Variants in C10orf90 observed in about 807,000 individuals in gnomAD.
C10orf90 encodes (E2-independent) E3 ubiquitin-conjugating enzyme FATS.
A neutral mutation model predicts 62.5 loss-of-function variants in C10orf90; 56 were observed. The ratio of observed to expected loss-of-function variants is 0.90; its 90% CI spans 0.72 to 1.12. The LOEUF (loss-of-function observed/expected upper bound fraction) is 1.12. Among genes scored for constraint, C10orf90 ranks in the 50% most tolerant of loss-of-function variants. The pLI is 0.00. For missense variants in C10orf90, 970 were observed against 880.4 expected, an observed-to-expected ratio of 1.10 and a Z score of -1.29; for synonymous variants, 386 against 340.4, an observed-to-expected ratio of 1.13 and a Z score of -1.47.
chr10:126,555,688 A>ATAAATAAATAAT (rs1864751405), intron 2 of C10orf90, among the ~76,000 whole-genome samples: 2 of 140,994 alleles, frequency 1.4e-5, no homozygotes, highest in South Asian at 4.2e-4. Context: ...CAGTAAATAA[A>ATAAATAAATAAT]TAAATAAATA....
At chr10:126,565,426 T>TATATTACATAATA in intron 2 of C10orf90, among the ~76,000 whole-genome samples, 1 of 57,210 alleles carries the variant, frequency 1.7e-5, no homozygotes, top group Non-Finnish European at 3.1e-5. Flanking sequence ...TTATATATAT[T>TATATTACATAATA]ATATATATTA....
At chr10:126,442,641 A>ATATATATATATG (rs1858461790) in intron 7 of C10orf90, among the ~76,000 whole-genome samples, 1 of 19,456 alleles carries the variant, frequency 5.1e-5, no homozygotes, top group East Asian at 1.9e-3. Context: ...GTGTATATAT[A>ATATATATATATG]TATATATATA....
rs187970125 is a variant in C10orf90, at chr10:126,545,190, T to C, written c.314-31251A>G. On this transcript the variant is annotated intron_variant, in intron 2 of 9. Transcript: ENST00000488181. ...TACCCAGCCCTCCCTCTGATCTCTC[T>C]CATCCTCCGGAGCCAGGTCTCTGAC... Among the ~76,000 whole-genome samples, 128 of 152,234 alleles carry C rather than the reference T, an allele frequency of 8.4e-4. 1 individual carries two copies. Among genetic ancestry groups the C allele is most frequent in the African/African-American group, 2.9e-3 (121 of 41,546 alleles).
At chr10:126,528,778 T>C (rs1864017408) in intron 2 of C10orf90, among the ~76,000 whole-genome samples, 1 of 152,194 alleles carries the variant, frequency 6.6e-6, no homozygotes, top group Non-Finnish European at 1.5e-5. Context: ...CAATGCTGCT[T>C]CTCAGCTCAC....
In C10orf90 at chr10:126,519,148, G is replaced by C. The variant is rs573853616; in HGVS notation, c.314-5209C>G. ...CACTTGACATGGCCTTGTCAGATGG[G>C]GTTGGGTTTAGATAAAGGTGAACAG... On this transcript the variant is annotated intron_variant, in intron 2 of 9. Transcript: ENST00000488181. Among the ~76,000 whole-genome samples, 9 of 152,298 alleles carry C rather than the reference G, an allele frequency of 5.9e-5. No homozygotes were observed. The South Asian group carries it at 1.2e-3, about 21-fold the overall frequency.
intron 7 of C10orf90, among the ~76,000 whole-genome samples, chr10:126,431,737 A>T (rs1396512028): frequency 6.6e-6 from 1 of 152,114 alleles, no homozygotes; most frequent in Non-Finnish European, 1.5e-5. Context: ...TAAGATTTTG[A>T]TCATCTTGGT....
chr10:126,595,371 G>A (rs1012827701), intron 2 of C10orf90, among the ~76,000 whole-genome samples: 1 of 152,154 alleles, frequency 6.6e-6, no homozygotes, highest in South Asian at 2.1e-4. Context: ...GCCTTTGGAC[G>A]ACTGCCACCC....
chr10:126,505,566 T>G (rs2133891201), intron 3 of C10orf90, among the ~76,000 whole-genome samples: 1 of 152,312 alleles, frequency 6.6e-6, no homozygotes, highest in South Asian at 2.1e-4. Context: ...CTTGGTCCTT[T>G]GGAGTCCTCC....
chr10:126,429,916 T>G, intron 7 of C10orf90, 66 bp from the exon 8 acceptor site: 1 of 1,348,576 alleles, frequency 7.4e-7, no homozygotes, highest in Non-Finnish European at 1.1e-6. Context: ...TAGAGAAACA[T>G]TGTGATTAGT....
intron 7 of C10orf90, among the ~76,000 whole-genome samples, chr10:126,455,349 C>T (rs1397220386): frequency 1.3e-5 from 2 of 152,210 alleles, no homozygotes; most frequent in Middle Eastern, 3.2e-3. Flanking sequence ...ATGGTTCTCC[C>T]CCATGTTGGG....
chr10:126,608,893 C>A (rs1845371261), intron 2 of C10orf90, among the ~76,000 whole-genome samples: 2 of 152,138 alleles, frequency 1.3e-5, no homozygotes, highest in South Asian at 4.1e-4. Flanking sequence ...ATTTGTAGTT[C>A]AGCACATATG....
At chr10:126,644,861 C>T (rs1015550691) in intron 2 of C10orf90, among the ~76,000 whole-genome samples, 4 of 152,234 alleles carry the variant, frequency 2.6e-5, no homozygotes, top group African/African-American at 9.6e-5. Flanking sequence ...AGTAACCAGA[C>T]AGGTTTTGGG....
intron 2 of C10orf90, among the ~76,000 whole-genome samples, chr10:126,546,116 G>C (rs1250719130): frequency 6.6e-6 from 1 of 152,064 alleles, no homozygotes; most frequent in Admixed American, 6.6e-5. Context: ...AAAACCCCAG[G>C]CAAAGCCTGC....
intron 7 of C10orf90, among the ~76,000 whole-genome samples, chr10:126,441,531 G>A (rs1245191481): frequency 1.3e-5 from 2 of 152,148 alleles, no homozygotes; most frequent in African/African-American, 4.8e-5. Flanking sequence ...GAAGCACAAA[G>A]AACTCCTGGG....
chr10:126,645,844 C>G (rs1846160074), intron 2 of C10orf90, among the ~76,000 whole-genome samples: 1 of 152,160 alleles, frequency 6.6e-6, no homozygotes, highest in African/African-American at 2.4e-5. Context: ...CACACATAAT[C>G]TCATGCACTT....
chr10:126,588,096 G>A (rs1844909211), intron 2 of C10orf90, among the ~76,000 whole-genome samples: 1 of 152,224 alleles, frequency 6.6e-6, no homozygotes, highest in Non-Finnish European at 1.5e-5. Flanking sequence ...AAGTTCCCAG[G>A]GGAAGGGGTG....
At chr10:126,561,609 G>T (rs1024871245) in intron 2 of C10orf90, among the ~76,000 whole-genome samples, 1 of 152,168 alleles carries the variant, frequency 6.6e-6, no homozygotes, top group East Asian at 1.9e-4. Context: ...GCCACAGAAA[G>T]TCCGCAGTGC....
intron 4 of C10orf90, among the ~76,000 whole-genome samples, chr10:126,473,226 G>A (rs894219288): frequency 1.3e-5 from 2 of 152,116 alleles, no homozygotes; most frequent in Non-Finnish European, 2.9e-5. Context: ...AACTCTTCCA[G>A]CTCACAGAAT....
At chr10:126,446,012 T>A (rs1314084659) in intron 7 of C10orf90, among the ~76,000 whole-genome samples, 1 of 151,248 alleles carries the variant, frequency 6.6e-6, no homozygotes, top group Non-Finnish European at 1.5e-5. Context: ...GGGGGAAGAA[T>A]GGGAGGGGGT....
Sources: gnomAD v4.1 joint callset for allele counts (sites outside exome capture counted in the v4.1 genomes callset) on GRCh38, gnomAD v4.1.1 for gene constraint, MANE v1.5 for transcripts, NCBI Gene and HGNC (gene_info 2026-07-23, HGNC 2026-07-21) for gene names.